CNTN4: variants seen among roughly 807,000 people sequenced by gnomAD.
CNTN4 encodes contactin-4.
Under a neutral mutation model 122.5 loss-of-function variants are expected in CNTN4, and 77 were observed. That is an observed-to-expected ratio of 0.63 (90% confidence interval 0.52 to 0.76). The LOEUF is 0.76. CNTN4 is among the 30% of genes least tolerant of loss of function. CNTN4 has a pLI of 0.00. For synonymous variants in CNTN4, 512 were observed against 447.0 expected (o/e 1.15, Z -1.83); for missense variants, 1,256 against 1,259.1 (o/e 1.00, Z 0.04).
chr3:2,227,037 A>G (rs1048416336), intron 2 of CNTN4, among the ~76,000 whole-genome samples: 4 of 152,172 alleles, frequency 2.6e-5, no homozygotes, highest in Non-Finnish European at 4.4e-5. Context: ...ATTTTGCTGT[A>G]TAGAATGTGA....
chr3:2,772,832 C>T (rs886954305), intron 6 of CNTN4, among the ~76,000 whole-genome samples: 3 of 152,064 alleles, frequency 2.0e-5, no homozygotes, highest in South Asian at 2.1e-4. Context: ...AAAGCAAAGG[C>T]ACCTTGGTGA....
At chr3:3,039,349 A>G in intron 19 of CNTN4, 1 of 240,354 alleles carries the variant, frequency 4.2e-6, no homozygotes, top group Non-Finnish European at 8.3e-6. Flanking sequence ...TCTGCCAGCA[A>G]TAGATTCAGT....
chr3:3,040,100 G>A lies in CNTN4; in HGVS notation c.2227G>A (p.Gly743Ser), dbSNP rs900278144. Reference protein sequence around the residue: ...FGYVVAFRPYGKMIWMLTVLA... With the variant: ...FGYVVAFRPYSKMIWMLTVLA... ...TTATGTGGTGGCCTTCCGGCCCTAC[G>A]GTAAAATGATCTGGATGCTGACAGT... The change falls in exon 20 of 25, where the codon GGT becomes AGT. Residue 743 changes from glycine to serine, a missense_variant. Physicochemically the swap from Gly to Ser is moderately conservative, Grantham distance 56. Coordinates refer to ENST00000418658, the MANE Select transcript of CNTN4 (RefSeq NM_175607.3). The A allele has an allele frequency of 9.9e-6, 16 of 1,614,178 alleles. No homozygotes were observed. Among genetic ancestry groups the A allele is most frequent in the East Asian group, 2.2e-5 (1 of 44,878 alleles).
At chr3:2,174,474 G>A (rs2036661284) in intron 2 of CNTN4, among the ~76,000 whole-genome samples, 1 of 152,250 alleles carries the variant, frequency 6.6e-6, no homozygotes, top group Non-Finnish European at 1.5e-5. Flanking sequence ...TTCATAGCCA[G>A]CCTTCTTCTC....
intron 4 of CNTN4, among the ~76,000 whole-genome samples, chr3:2,684,740 T>C (rs2085344231): frequency 6.6e-6 from 1 of 152,212 alleles, no homozygotes; most frequent in Admixed American, 6.5e-5. Flanking sequence ...GCTTCAACAT[T>C]TTTTCCTTGT....
chr3:2,257,469 C>G (rs2149721332), intron 2 of CNTN4, among the ~76,000 whole-genome samples: 1 of 152,254 alleles, frequency 6.6e-6, no homozygotes, highest in East Asian at 1.9e-4. Flanking sequence ...AGCTTCCTCA[C>G]AGCAAAAGAA....
chr3:2,573,093 G>C (rs910725387), intron 4 of CNTN4, among the ~76,000 whole-genome samples: 17 of 152,312 alleles, frequency 1.1e-4, no homozygotes, highest in African/African-American at 4.1e-4. Context: ...AAGTGGTCGA[G>C]CTAAGATGTA....
intron 2 of CNTN4, among the ~76,000 whole-genome samples, chr3:2,193,408 G>A (rs1267488001): frequency 6.6e-6 from 1 of 151,900 alleles, no homozygotes. Context: ...CTATAAAAAT[G>A]GCTCATCAAC....
chr3:3,027,485 A>G (rs1698824766), intron 15 of CNTN4, among the ~76,000 whole-genome samples: 1 of 152,190 alleles, frequency 6.6e-6, no homozygotes, highest in South Asian at 2.1e-4. Context: ...CTACTTCACA[A>G]AGACATTGGA....
chr3:2,675,449 C>T (rs1374907410), intron 4 of CNTN4, among the ~76,000 whole-genome samples: 2 of 152,208 alleles, frequency 1.3e-5, no homozygotes, highest in Non-Finnish European at 2.9e-5. Context: ...TCCACCCTCT[C>T]AGCCAGCCAA....
intron 6 of CNTN4, among the ~76,000 whole-genome samples, chr3:2,758,433 A>G (rs1040587184): frequency 6.6e-6 from 1 of 152,168 alleles, no homozygotes; most frequent in Admixed American, 6.5e-5. Flanking sequence ...CCCTCCAATA[A>G]AGGTGCATAT....
chr3:2,480,205 G>A (rs770902263), intron 3 of CNTN4, among the ~76,000 whole-genome samples: 45 of 151,912 alleles, frequency 3.0e-4, no homozygotes, highest in Middle Eastern at 3.2e-3. Flanking sequence ...ACCAGGATCA[G>A]AAACAAAGCA....
intron 4 of CNTN4, among the ~76,000 whole-genome samples, chr3:2,710,351 T>A (rs539864197): frequency 1.3e-5 from 2 of 152,342 alleles, no homozygotes; most frequent in East Asian, 3.9e-4. Context: ...CAGTCAGGAA[T>A]AATATTAACT....
intron 4 of CNTN4, among the ~76,000 whole-genome samples, chr3:2,695,521 G>A (rs957952495): frequency 2.6e-5 from 4 of 152,140 alleles, no homozygotes; most frequent in African/African-American, 4.8e-5. Flanking sequence ...TTTTATATCA[G>A]TTCCAACATC....
At chr3:2,784,838 C>T (rs747243963) in intron 6 of CNTN4, among the ~76,000 whole-genome samples, 11 of 152,136 alleles carry the variant, frequency 7.2e-5, no homozygotes, top group Non-Finnish European at 1.3e-4. Flanking sequence ...AATACCATGG[C>T]TCATAGAAGG....
chr3:2,139,694 G>A (rs2034895535), intron 2 of CNTN4, among the ~76,000 whole-genome samples: 1 of 152,194 alleles, frequency 6.6e-6, no homozygotes, highest in African/African-American at 2.4e-5. Context: ...AGACTGCTTG[G>A]TTGGGGAGTG....
At chr3:2,749,601 A>G (rs1483109312) in intron 6 of CNTN4, among the ~76,000 whole-genome samples, 3 of 152,158 alleles carry the variant, frequency 2.0e-5, no homozygotes, top group Non-Finnish European at 2.9e-5. Context: ...AGCCATTTAT[A>G]TGTTTGAATA....
intron 7 of CNTN4, among the ~76,000 whole-genome samples, chr3:2,823,756 C>G (rs1383391546): frequency 1.3e-5 from 2 of 152,152 alleles, no homozygotes; most frequent in African/African-American, 2.4e-5. Context: ...ACGAAAATTT[C>G]TAGTTTATTC....
intron 4 of CNTN4, among the ~76,000 whole-genome samples, chr3:2,650,748 A>T (rs552023590): frequency 6.6e-6 from 1 of 152,316 alleles, no homozygotes; most frequent in South Asian, 2.1e-4. Flanking sequence ...ACAATAAATT[A>T]TTTTAAGTTA....
Sources: allele counts gnomAD v4.1 joint callset (sites outside exome capture counted in the v4.1 genomes callset), GRCh38; gene constraint gnomAD v4.1.1; transcripts MANE v1.5; gene names NCBI Gene and HGNC (gene_info 2026-07-23, HGNC 2026-07-21).